AAK1: variants seen among roughly 807,000 people sequenced by gnomAD.
The protein encoded by AAK1 is AP2-associated protein kinase 1.
A neutral mutation model predicts 116.0 loss-of-function variants in AAK1; 37 were observed. That is an observed-to-expected ratio of 0.32 (90% confidence interval 0.25 to 0.42). AAK1 has a LOEUF of 0.42. Among genes scored for constraint, AAK1 ranks in the 10% least tolerant of loss-of-function variants. AAK1 has a pLI of 1.00. For synonymous variants in AAK1, 458 were observed against 439.9 expected, an observed-to-expected ratio of 1.04 and a Z score of -0.51; for missense variants, 919 against 1,170.6, an observed-to-expected ratio of 0.79 and a Z score of 3.14.
At chr2:69,588,536 A>G (rs560449603) in intron 2 of AAK1, among the ~76,000 whole-genome samples, 8 of 152,362 alleles carry the variant, frequency 5.3e-5, no homozygotes, top group South Asian at 2.1e-4. Flanking sequence ...GCAGGTATCC[A>G]GAAATCCTGC....
At chr2:69,610,985 T>G (rs1375553990) in intron 2 of AAK1, among the ~76,000 whole-genome samples, 2 of 152,192 alleles carry the variant, frequency 1.3e-5, no homozygotes, top group Non-Finnish European at 2.9e-5. Context: ...AGCTGAGCAC[T>G]GAACTACCTT....
intron 12 of AAK1, among the ~76,000 whole-genome samples, chr2:69,518,210 A>G (rs965888307): frequency 3.3e-5 from 5 of 152,216 alleles, no homozygotes; most frequent in Non-Finnish European, 4.4e-5. Flanking sequence ...ATGGAAAACA[A>G]TATAGACCAA....
intron 16 of AAK1, among the ~76,000 whole-genome samples, chr2:69,497,480 T>G (rs1279491946): frequency 6.6e-6 from 1 of 151,804 alleles, no homozygotes; most frequent in Non-Finnish European, 1.5e-5. Context: ...TTTTGTATTT[T>G]TAGTAGAGAC....
At chr2:69,512,221 T>A (rs898396360) in intron 13 of AAK1, among the ~76,000 whole-genome samples, 1 of 152,180 alleles carries the variant, frequency 6.6e-6, no homozygotes, top group African/African-American at 2.4e-5. Flanking sequence ...AATGTAATTA[T>A]AAAAGGAGTA....
chr2:69,556,906 T>C lies in AAK1; in HGVS notation c.236A>G (p.Asn79Ser). 1 of 1,614,004 alleles carries C rather than the reference T, an allele frequency of 6.2e-7. No individual in the cohort carries two copies. The highest frequency in any genetic ancestry group is 8.5e-7 in the Non-Finnish European group (1 of 1,179,856). The stretch of plus-strand genomic sequence containing the variant: ...GCACACCTGGAGATCATGCTCATTG[T>C]TGACAAACATGCGTTTCAAGGCACA... ...MKCALKRMFV[N>S]NEHDLQVCKR... Residue 79 changes from asparagine (N) to serine (S), a missense_variant, in exon 3 of 22, where the codon AAC becomes AGC. Transcript: ENST00000409085.
intron 2 of AAK1, among the ~76,000 whole-genome samples, chr2:69,565,641 T>C (rs772936635): frequency 6.6e-6 from 1 of 152,180 alleles, no homozygotes; most frequent in African/African-American, 2.4e-5. Flanking sequence ...AGAAGAGAAA[T>C]GGCACAGTGA....
In AAK1 at chr2:69,470,395, C is replaced by T; in HGVS notation, c.*5474G>A. The T allele has an allele frequency of 2.0e-6, 2 of 985,400 alleles. No individual in the cohort carries two copies. Among genetic ancestry groups the T allele is most frequent in the Non-Finnish European group, 2.4e-6 (2 of 829,928 alleles). 61.0% of individuals were successfully genotyped at this position (985,400 alleles called of 1,614,324 possible). ...GAGACGTACATCAAACTAATAATTACCATGACCTTCTAGCTCACATAACAA... is the reference window on the plus strand; with the variant it reads ...GAGACGTACATCAAACTAATAATTATCATGACCTTCTAGCTCACATAACAA... On this transcript the variant is annotated 3_prime_UTR_variant, in exon 22 of 22. Transcript: ENST00000409085.
intron 5 of AAK1, among the ~76,000 whole-genome samples, chr2:69,538,277 T>C (rs1019609936): frequency 4.6e-5 from 7 of 152,382 alleles, no homozygotes; most frequent in East Asian, 1.9e-4. Context: ...AACCTCACTC[T>C]AGCCTTTCAT....
intron 2 of AAK1, among the ~76,000 whole-genome samples, chr2:69,572,928 T>C (rs1672149451): frequency 6.6e-6 from 1 of 152,120 alleles, no homozygotes; most frequent in Non-Finnish European, 1.5e-5. Context: ...TGGCTCTCAG[T>C]GGAAGCTCCA....
chr2:69,523,064 T>C (rs1218567123), intron 10 of AAK1, among the ~76,000 whole-genome samples: 3 of 152,248 alleles, frequency 2.0e-5, no homozygotes, highest in African/African-American at 7.2e-5. Context: ...GCCTACATCA[T>C]AAGGCAGATG....
chr2:69,584,074 T>C (rs937353206), intron 2 of AAK1, among the ~76,000 whole-genome samples: 1 of 152,204 alleles, frequency 6.6e-6, no homozygotes, highest in African/African-American at 2.4e-5. Context: ...ATGGGGAACA[T>C]CTGCTTAGGA....
At chr2:69,623,893 T>C (rs547446894) in intron 2 of AAK1, among the ~76,000 whole-genome samples, 3 of 152,004 alleles carry the variant, frequency 2.0e-5, no homozygotes, top group Non-Finnish European at 4.4e-5. Context: ...GCAATGTATA[T>C]AACAAAGGAT....
At chr2:69,580,556 G>C (rs957724275) in intron 2 of AAK1, among the ~76,000 whole-genome samples, 1 of 152,108 alleles carries the variant, frequency 6.6e-6, no homozygotes, top group African/African-American at 2.4e-5. Context: ...ATGAGAGAGA[G>C]AGAAACACTC....
intron 2 of AAK1, among the ~76,000 whole-genome samples, chr2:69,582,410 CGTGTGTGTGCGT>C (rs1168640566): frequency 6.6e-6 from 1 of 151,776 alleles, no homozygotes; most frequent in Non-Finnish European, 1.5e-5. Context: ...TGTGTGTGCG[CGTGTGTGTGCGT>C]GCACACATGC....
At chr2:69,582,222 C>T (rs1339657605) in intron 2 of AAK1, among the ~76,000 whole-genome samples, 1 of 152,188 alleles carries the variant, frequency 6.6e-6, no homozygotes, top group Non-Finnish European at 1.5e-5. Flanking sequence ...GCCTCACAGA[C>T]AACACAGATC....
At chr2:69,485,486 C>T (rs780489489) in intron 17 of AAK1, among the ~76,000 whole-genome samples, 15 of 151,860 alleles carry the variant, frequency 9.9e-5, no homozygotes, top group Non-Finnish European at 1.6e-4. Flanking sequence ...CAGGAATCTT[C>T]TGGAGCATCC....
intron 13 of AAK1, among the ~76,000 whole-genome samples, chr2:69,510,429 T>G (rs1038347715): frequency 3.3e-5 from 5 of 152,266 alleles, no homozygotes; most frequent in African/African-American, 1.2e-4. Flanking sequence ...TGTACCACAT[T>G]TTCTTTATCC....
rs1237242545 is a variant in AAK1, at chr2:69,466,581, T to G, written c.*9288A>C. ...AAAAGCATAAAATGCAGAATTAATG[T>G]GTAGGTCAATTCAACTCTATTTGGA... is the stretch of plus-strand genomic sequence containing the variant. On this transcript the variant is annotated 3_prime_UTR_variant, in exon 22 of 22. Transcript: ENST00000409085. The G allele has an allele frequency of 1.7e-6, 2 of 1,165,730 alleles. No individual in the cohort carries two copies. The highest frequency in any genetic ancestry group is 2.2e-6 in the Non-Finnish European group (2 of 928,218). The allele number at this position is 1,165,730 out of a possible 1,614,324, so 72.2% of individuals were successfully genotyped here. A position where few individuals can be genotyped will look rare whatever the true frequency, so the allele number is the denominator to read the frequency against.
chr2:69,574,439 G>A (rs1309372400), intron 2 of AAK1, among the ~76,000 whole-genome samples: 1 of 151,046 alleles, frequency 6.6e-6, no homozygotes, highest in Admixed American at 6.6e-5. Flanking sequence ...GGGCATGGTG[G>A]TGTATGCCTG....
Sources: allele counts gnomAD v4.1 joint callset (sites outside exome capture counted in the v4.1 genomes callset), GRCh38; gene constraint gnomAD v4.1.1; transcripts MANE v1.5; gene names NCBI Gene and HGNC (gene_info 2026-07-23, HGNC 2026-07-21).